HLA-DQB1: variants seen among roughly 807,000 people sequenced by gnomAD.
HLA-DQB1 encodes the protein major histocompatibility complex, class II, DQ beta 1.
Under a neutral mutation model 26.4 loss-of-function variants are expected in HLA-DQB1, and 13 were observed. That is an observed-to-expected ratio of 0.49 (90% CI 0.32 to 0.78). The LOEUF (loss-of-function observed/expected upper bound fraction) is 0.78. Ranked by LOEUF, HLA-DQB1 falls within the 30% of genes least tolerant of loss-of-function variation. HLA-DQB1 has a pLI of 0.03. For missense variants in HLA-DQB1, 158 were observed against 326.2 expected, an observed-to-expected ratio of 0.48 and a Z score of 3.97; for synonymous variants, 60 against 129.1, an observed-to-expected ratio of 0.46 and a Z score of 3.63.
intron 3 of HLA-DQB1, 37 bp downstream of exon 3, chr6:32,661,930 G>C (rs281864155): frequency 1.4e-5 from 17 of 1,256,696 alleles, no homozygotes; most frequent in Middle Eastern, 2.0e-4. Flanking sequence ...TCTTTGTCTT[G>C]TGGGCCCATA....
intron 2 of HLA-DQB1, chr6:32,663,099 G>C (rs186253371): frequency 9.1e-6 from 1 of 110,126 alleles, no homozygotes; most frequent in African/African-American, 3.2e-5. Flanking sequence ...CATGGTTTCT[G>C]CTTGGACTTG....
At chr6:32,660,316 T>C (rs9273479) in intron 4 of HLA-DQB1, 67 bp from the exon 5 acceptor site, 148,276 of 717,000 alleles carry the variant, frequency 0.21, 45,821 homozygotes, top group East Asian at 0.51. Flanking sequence ...TCCCCCACCC[T>C]TCAGGGGCCC....
Position 32,660,180 on chromosome 6 carries a change from A to C in HLA-DQB1, c.*56T>G. On this transcript the variant is annotated 3_prime_UTR_variant, in exon 5 of 5. Coordinates refer to ENST00000434651, the Ensembl canonical transcript of HLA-DQB1. ...AGGCAGCTGGGAATTCTGGGCAGGC[A>C]TAAGCAGGCATCACAGAAGAGTGAT... 5.1e-6 allele frequency: 4 copies of C among 790,550 alleles called. 2 individuals carry two copies. Among genetic ancestry groups the C allele is most frequent in the Non-Finnish European group, 3.8e-6 (2 of 523,214 alleles). 49.0% of individuals were successfully genotyped at this position (790,550 alleles called of 1,614,324 possible).
At chr6:32,666,454 T>A (rs281860885) in intron 1 of HLA-DQB1, 45 bp downstream of exon 1, 1 of 720,430 alleles carries the variant, frequency 1.4e-6, no homozygotes, top group African/African-American at 1.8e-5. Flanking sequence ...AAGGAGAGCC[T>A]GTTCCCAGAG....
chr6:32,664,867 G>A, exon 2 of HLA-DQB1: 1 of 1,184,172 alleles, frequency 8.4e-7, no homozygotes, highest in Non-Finnish European at 1.2e-6. Context: ...AACTCCGCCC[G>A]GGTCCCCTCC....
rs181677654 is a variant in HLA-DQB1, at chr6:32,662,614, T to C, written c.380-366A>G. 86 of 167,150 alleles carry C rather than the reference T, an allele frequency of 5.1e-4. No homozygotes were observed. The South Asian group carries it at 7.4e-3, about 14-fold the overall frequency. The allele number at this position is 167,150 out of a possible 1,614,324, so 10.4% of individuals were successfully genotyped here. A position where few individuals can be genotyped will look rare whatever the true frequency, so the allele number is the denominator to read the frequency against. ...ACAAATAACCCTTGATCAAACATCA[T>C]GTTTGTCCACAACTCAATTCCTTTA... On this transcript the variant is annotated intron_variant, in intron 2 of 4. Transcript: ENST00000434651.
chr6:32,664,754 G>T lies in HLA-DQB1; in HGVS notation c.379+44C>A. 2 of 742,244 alleles carry T rather than the reference G, an allele frequency of 2.7e-6. 1 individual carries two copies. Among genetic ancestry groups the T allele is most frequent in the Non-Finnish European group, 3.8e-6 (2 of 527,650 alleles). 46.0% of individuals were successfully genotyped at this position (742,244 alleles called of 1,614,324 possible). A position where few individuals can be genotyped will look rare whatever the true frequency, so the allele number is the denominator to read the frequency against. ...GCCCCTCCCGGCACAGAAACTCGGG[G>T]TCTCGGCCAAGGGTGGGCCTCACGG... On this transcript the variant is annotated intron_variant, in intron 2 of 4. Transcript: ENST00000434651.
rs1140343 is a variant in HLA-DQB1 at position 32,661,360 on chromosome 6, T to G, written c.759A>C (p.Gln253His). 518,305 of 1,057,032 alleles carry G rather than the reference T, an allele frequency of 0.49. 169,105 individuals carry two copies. Among genetic ancestry groups the G allele is most frequent in the Admixed American group, 0.67 (26,531 of 39,804 alleles). The allele number at this position is 1,057,032 out of a possible 1,614,324, so 65.5% of individuals were successfully genotyped here. A position where few individuals can be genotyped will look rare whatever the true frequency, so the allele number is the denominator to read the frequency against. The change falls in exon 4 of 5, where the codon CAA becomes CAC. Residue 253 changes from glutamine to histidine, a missense_variant. By Grantham distance (24) the Gln-to-His change is conservative. Coordinates refer to ENST00000434651, the Ensembl canonical transcript of HLA-DQB1. ...GGGGTTCCTCACCTTTCTGACTCCT[T>G]TGACGGATGATAAGGCCCAGCCCAA...
In HLA-DQB1 at chr6:32,664,329, C is replaced by A. The variant is rs71542461; in HGVS notation, c.379+469G>T. 2,911 of 97,100 alleles carry A rather than the reference C, an allele frequency of 0.03. 1,038 individuals carry two copies. The East Asian group carries it at 0.31, about 10-fold the overall frequency. 6.0% of individuals were successfully genotyped at this position (97,100 alleles called of 1,614,324 possible). On this transcript the variant is annotated intron_variant, in intron 2 of 4. Transcript: ENST00000434651. ...GCAACTGTAATTGCTGGATGCCCTG[C>A]GCGCAGCTGTGGGGCAGCCCTAACT...
At chr6:32,662,033 G>A (rs746365289) in exon 3 of HLA-DQB1, 7 of 1,493,988 alleles carry the variant, frequency 4.7e-6, no homozygotes, top group East Asian at 2.4e-5. Context: ...ACATCTCCAC[G>A]CTGGGGAGTC....
chr6:32,665,005 G>GTA lies in HLA-DQB1; in HGVS notation c.171_172insTA (p.Leu58TyrfsTer3). On this transcript the variant is annotated frameshift_variant, in exon 2 of 5. Transcript: ENST00000434651. LOFTEE classifies it high-confidence loss of function. Reference sequence around the variant, plus strand: ...CGGTTATAGATGTATCTGGTCACAAGACGCACGCGCTCCGTCCCGTTGGTG... The same window carrying GTA: ...CGGTTATAGATGTATCTGGTCACAAGTAACGCACGCGCTCCGTCCCGTTGGTG... 7.4e-7 allele frequency: 1 copy of GTA among 1,343,484 alleles called. No homozygotes were observed. The highest frequency in any genetic ancestry group is 1.3e-5 in the South Asian group (1 of 78,792). The allele number at this position is 1,343,484 out of a possible 1,614,324, so 83.2% of individuals were successfully genotyped here. A position where few individuals can be genotyped will look rare whatever the true frequency, so the allele number is the denominator to read the frequency against.
chr6:32,663,097 C>T (rs281863554), intron 2 of HLA-DQB1: 1 of 113,926 alleles, frequency 8.8e-6, no homozygotes, highest in East Asian at 3.0e-4. Context: ...ATCATGGTTT[C>T]TGCTTGGACT....
intron 4 of HLA-DQB1, 43 bp from the exon 5 acceptor site, chr6:32,660,292 G>T: frequency 1.0e-6 from 1 of 993,724 alleles, no homozygotes; most frequent in Non-Finnish European, 1.4e-6. Context: ...GGGTATCCTG[G>T]TGGGCCTGCC....
chr6:32,661,301 G>A (rs9273589), intron 4 of HLA-DQB1, 46 bp downstream of exon 4: 24 of 1,148,356 alleles, frequency 2.1e-5, no homozygotes, highest in Non-Finnish European at 2.5e-5. Flanking sequence ...TGAACAGAGG[G>A]TCTGGGTCAC....
exon 2 of HLA-DQB1, chr6:32,665,002 CAAG>C (rs766817072): frequency 1.6e-5 from 22 of 1,366,266 alleles, no homozygotes; most frequent in Non-Finnish European, 6.2e-6. Flanking sequence ...TATCTGGTCA[CAAG>C]ACGCACGCGC....
At chr6:32,660,979 T>C (rs1782926693) in intron 4 of HLA-DQB1, 1 of 701,806 alleles carries the variant, frequency 1.4e-6, no homozygotes, top group Non-Finnish European at 2.4e-6. Flanking sequence ...AGTTACATTC[T>C]CTTCCCACCC....
At chr6:32,665,558 G>A (rs281861624) in intron 1 of HLA-DQB1, among the ~76,000 whole-genome samples, 5 of 94,552 alleles carry the variant, frequency 5.3e-5, no homozygotes, top group African/African-American at 1.4e-4. Context: ...CCCATGCCTA[G>A]ATTTACCCTC....
At chr6:32,662,075 A>G (rs9273962) in exon 3 of HLA-DQB1, 1 of 1,520,018 alleles carries the variant, frequency 6.6e-7, no homozygotes, top group African/African-American at 1.4e-5. Context: ...TGGAAAGTCC[A>G]GTCACCATTC....
At position 32,660,583 on chromosome 6, in the gene HLA-DQB1, A is replaced by G. The variant is rs1782886539; in HGVS notation, c.773-334T>C. The G allele has an allele frequency of 5.3e-6, 2 of 379,716 alleles. 1 individual carries two copies. The highest frequency in any genetic ancestry group is 1.6e-3 in the Middle Eastern group (2 of 1,252). The allele number at this position is 379,716 out of a possible 1,614,324, so 23.5% of individuals were successfully genotyped here. On this transcript the variant is annotated intron_variant, in intron 4 of 4. Transcript: ENST00000434651. The stretch of plus-strand genomic sequence containing the variant: ...AAAATGCTTACAGGCAGTAGCCACC[A>G]TCATGTGGCACAAAGTGGGCATCAT...
Sources: allele counts gnomAD v4.1 joint callset (sites outside exome capture counted in the v4.1 genomes callset), GRCh38; gene constraint gnomAD v4.1.1; transcripts MANE v1.5; gene names NCBI Gene and HGNC (gene_info 2026-07-23, HGNC 2026-07-21).